Variants in TRPM7 observed in about 807,000 individuals in gnomAD.
TRPM7 encodes the protein LTRPC ion channel family member 7.
A neutral mutation model predicts 229.7 loss-of-function variants in TRPM7; 134 were observed. The ratio of observed to expected loss-of-function variants is 0.58; its 90% CI spans 0.51 to 0.67. TRPM7 has a LOEUF of 0.67. Among genes scored for constraint, TRPM7 ranks in the 30% least tolerant of loss-of-function variants. TRPM7 has a pLI of 0.00. For missense variants in TRPM7, 1,901 were observed against 2,210.0 expected (o/e 0.86, Z 2.80); for synonymous variants, 699 against 715.2 (o/e 0.98, Z 0.36).
intron 3 of TRPM7, 96 bp downstream of exon 3, chr15:50,657,685 T>G: frequency 9.2e-7 from 1 of 1,092,286 alleles, no homozygotes; most frequent in Non-Finnish European, 1.4e-6. Flanking sequence ...TATAATAGCA[T>G]GTGAGTTTCA....
At chr15:50,663,084 A>T in intron 1 of TRPM7, 38 bp from the exon 2 acceptor site, 3 of 1,478,970 alleles carry the variant, frequency 2.0e-6, no homozygotes, top group Non-Finnish European at 2.8e-6. Flanking sequence ...TTATAAGTTA[A>T]CCCACTAAAT....
Position 50,629,297 on chromosome 15 carries a change from G to A in TRPM7, c.1205-1048C>T, listed in dbSNP as rs994907004. On this transcript the variant is annotated intron_variant, in intron 10 of 38. Coordinates refer to ENST00000646667, the MANE Select transcript of TRPM7 (RefSeq NM_017672.6). ...CCTTCTTCTTCTCTTTTCTGAGACCGAGTCTCTCCCTGTTGTCCAGGCTGG... is the reference window on the plus strand; with the variant it reads ...CCTTCTTCTTCTCTTTTCTGAGACCAAGTCTCTCCCTGTTGTCCAGGCTGG... Among the ~76,000 whole-genome samples, 7 of 149,412 alleles carry A rather than the reference G, an allele frequency of 4.7e-5. 1 individual carries two copies. The highest frequency in any genetic ancestry group is 8.9e-5 in the Non-Finnish European group (6 of 67,604).
At chr15:50,657,923 A>G in intron 2 of TRPM7, 104 bp from the exon 3 acceptor site, 2 of 796,496 alleles carry the variant, frequency 2.5e-6, no homozygotes, top group South Asian at 1.9e-5. Flanking sequence ...TTATATACCT[A>G]GTTTAATTTT....
At chr15:50,593,105 A>G (rs1048420453) in intron 25 of TRPM7, among the ~76,000 whole-genome samples, 2 of 152,090 alleles carry the variant, frequency 1.3e-5, no homozygotes, top group South Asian at 4.1e-4. Context: ...CTTGGCCAAC[A>G]TGTTGAAACC....
At chr15:50,567,341 C>T (rs1359493501) in intron 38 of TRPM7, among the ~76,000 whole-genome samples, 1 of 152,054 alleles carries the variant, frequency 6.6e-6, no homozygotes, top group African/African-American at 2.4e-5. Context: ...CCACTAAATG[C>T]TTAGTTTAAA....
chr15:50,618,613 A>AAATG (rs200801604), intron 13 of TRPM7, among the ~76,000 whole-genome samples: 1 of 93,218 alleles, frequency 1.1e-5, no homozygotes, highest in Non-Finnish European at 2.5e-5. Flanking sequence ...ATAAATAAAT[A>AAATG]AACGTATGTT....
intron 1 of TRPM7, among the ~76,000 whole-genome samples, chr15:50,663,377 C>T (rs563388880): frequency 1.2e-4 from 19 of 152,198 alleles, no homozygotes; most frequent in Non-Finnish European, 2.2e-4. Flanking sequence ...CTGCCTGCCT[C>T]GGCCTCCCAA....
chr15:50,672,322 C>T (rs1049214113), intron 1 of TRPM7, among the ~76,000 whole-genome samples: 2 of 151,838 alleles, frequency 1.3e-5, no homozygotes, highest in Admixed American at 1.3e-4. Context: ...TCCCAAAGTG[C>T]TAGGATTACA....
At chr15:50,685,538 T>C (rs551850030) in intron 1 of TRPM7, among the ~76,000 whole-genome samples, 3 of 152,374 alleles carry the variant, frequency 2.0e-5, no homozygotes, top group South Asian at 2.1e-4. Context: ...ATTTGTGTTA[T>C]AAGTAAAACT....
chr15:50,598,096 C>A (rs2059679541), intron 22 of TRPM7, among the ~76,000 whole-genome samples: 1 of 152,142 alleles, frequency 6.6e-6, no homozygotes, highest in African/African-American at 2.4e-5. Context: ...ACAATCCTCT[C>A]ACTACATGGC....
At chr15:50,652,265 G>A (rs965434246) in intron 3 of TRPM7, among the ~76,000 whole-genome samples, 3 of 147,826 alleles carry the variant, frequency 2.0e-5, no homozygotes, top group Non-Finnish European at 4.5e-5. Context: ...CCTGGGAGGC[G>A]GAGATTGCAG....
intron 21 of TRPM7, among the ~76,000 whole-genome samples, chr15:50,601,955 C>CTT (rs1237498865): frequency 1.5e-4 from 19 of 128,300 alleles, no homozygotes; most frequent in African/African-American, 4.0e-4. Flanking sequence ...CACATATTTT[C>CTT]TTTTTTTTTT....
chr15:50,610,422 T>C (rs2060035967), intron 17 of TRPM7, among the ~76,000 whole-genome samples: 1 of 152,300 alleles, frequency 6.6e-6, no homozygotes, highest in Middle Eastern at 3.4e-3. Context: ...AAAATTTTAC[T>C]TATTACTTGC....
Position 50,575,984 on chromosome 15 carries a change from G to A in TRPM7, c.4619-65C>T, listed in dbSNP as rs141850565. The stretch of plus-strand genomic sequence containing the variant: ...ACTAGTACAGCAAAAATTTTAACCC[G>A]GATAATCTCATAAAATCATTTTGAA... On this transcript the variant is annotated intron_variant, in intron 31 of 38. Coordinates refer to ENST00000646667, the MANE Select transcript of TRPM7 (RefSeq NM_017672.6). The A allele has an allele frequency of 2.2e-3, 3,293 of 1,477,962 alleles. 3 individuals carry two copies. The highest frequency in any genetic ancestry group is 3.6e-3 in the Admixed American group (182 of 50,364). 91.6% of individuals were successfully genotyped at this position (1,477,962 alleles called of 1,614,324 possible).
chr15:50,650,994 C>A (rs1596307212), intron 3 of TRPM7, among the ~76,000 whole-genome samples: 1 of 152,232 alleles, frequency 6.6e-6, no homozygotes, highest in East Asian at 1.9e-4. Context: ...TTTAGACCAG[C>A]CCGGGCAACA....
Position 50,594,619 on chromosome 15 carries a change from G to C in TRPM7, c.3291-6C>G. Reference sequence around the variant, plus strand: ...TCACTTGTAAATACACATTGCTAGAGAAATAATGAATAAAAATAAAATAAA... The same window carrying C: ...TCACTTGTAAATACACATTGCTAGACAAATAATGAATAAAAATAAAATAAA... On this transcript the variant is annotated splice_region_variant and splice_polypyrimidine_tract_variant and intron_variant, in intron 23 of 38. Coordinates refer to ENST00000646667, the MANE Select transcript of TRPM7 (RefSeq NM_017672.6). 3.3e-6 allele frequency: 5 copies of C among 1,537,296 alleles called. No homozygotes were observed. Among genetic ancestry groups the C allele is most frequent in the Non-Finnish European group, 4.4e-6 (5 of 1,137,472 alleles).
At chr15:50,616,556 AAGG>A (rs1425024791) in intron 13 of TRPM7, among the ~76,000 whole-genome samples, 1 of 152,230 alleles carries the variant, frequency 6.6e-6, no homozygotes. Flanking sequence ...GGGAGTACAG[AAGG>A]AGAAGAAATG....
intron 8 of TRPM7, among the ~76,000 whole-genome samples, chr15:50,633,663 C>A (rs1290656067): frequency 6.6e-6 from 1 of 152,154 alleles, no homozygotes; most frequent in Admixed American, 6.5e-5. Context: ...TAAACCATTT[C>A]TTTGTATAAA....
At chr15:50,686,052 C>T (rs975844193) in intron 1 of TRPM7, among the ~76,000 whole-genome samples, 71 of 152,360 alleles carry the variant, frequency 4.7e-4, no homozygotes, top group African/African-American at 1.6e-3. Context: ...AACCCGTGTC[C>T]TCTACCCCCT....
Sources: gnomAD v4.1 joint callset for allele counts (sites outside exome capture counted in the v4.1 genomes callset) on GRCh38, gnomAD v4.1.1 for gene constraint, MANE v1.5 for transcripts, NCBI Gene and HGNC (gene_info 2026-07-23, HGNC 2026-07-21) for gene names.